Variants in PDSS2 observed in about 807,000 individuals in gnomAD.
PDSS2 encodes decaprenyl diphosphate synthase subunit 2.
PDSS2 carries 31 observed loss-of-function variants against 44.5 expected under a neutral mutation model. The observed-to-expected ratio is 0.70, with a 90% CI of 0.52 to 0.94. The LOEUF is 0.94. Ranked by LOEUF, PDSS2 falls within the 40% of genes least tolerant of loss-of-function variation. PDSS2 has a pLI of 0.00. For synonymous variants in PDSS2, 157 were observed against 180.3 expected, an observed-to-expected ratio of 0.87 and a Z score of 1.03; for missense variants, 452 against 482.2, an observed-to-expected ratio of 0.94 and a Z score of 0.59.
intron 2 of PDSS2, among the ~76,000 whole-genome samples, chr6:107,280,825 G>A (rs1775938784): frequency 6.6e-6 from 1 of 152,146 alleles, no homozygotes; most frequent in Admixed American, 6.5e-5. Flanking sequence ...AAAAGACAAC[G>A]GAGCCTGCTT....
At chr6:107,377,850 C>T (rs1779335568) in intron 1 of PDSS2, among the ~76,000 whole-genome samples, 1 of 151,220 alleles carries the variant, frequency 6.6e-6, no homozygotes, top group Non-Finnish European at 1.5e-5. Flanking sequence ...AACACATGGA[C>T]ACAGGAAGGG....
chr6:107,425,938 G>A (rs1398813431), intron 1 of PDSS2, among the ~76,000 whole-genome samples: 2 of 151,458 alleles, frequency 1.3e-5, no homozygotes, highest in Admixed American at 1.3e-4. Flanking sequence ...TCCAGCCTGG[G>A]CGACAGAGCG....
chr6:107,363,811 C>T (rs1778865317), intron 1 of PDSS2, among the ~76,000 whole-genome samples: 2 of 152,178 alleles, frequency 1.3e-5, no homozygotes, highest in South Asian at 4.1e-4. Flanking sequence ...TACAAAGGTT[C>T]TCCACGTCCA....
intron 3 of PDSS2, among the ~76,000 whole-genome samples, chr6:107,271,875 C>T (rs556120044): frequency 9.2e-5 from 14 of 151,518 alleles, no homozygotes; most frequent in African/African-American, 3.4e-4. Flanking sequence ...GGCAACATGG[C>T]GAAAGGCAAA....
chr6:107,245,680 A>C, intron 3 of PDSS2, 61 bp from the exon 4 acceptor site: 2 of 1,057,030 alleles, frequency 1.9e-6, no homozygotes, highest in Non-Finnish European at 2.8e-6. Context: ...TTGTTACCTC[A>C]GAATGTTTCA....
intron 1 of PDSS2, among the ~76,000 whole-genome samples, chr6:107,377,780 G>C (rs1285946467): frequency 6.6e-6 from 1 of 151,866 alleles, no homozygotes; most frequent in Non-Finnish European, 1.5e-5. Context: ...GTAAACTATC[G>C]CAAGGACAAA....
Position 107,458,412 on chromosome 6 carries a change from C to CAAAAAAAAAAGAAAA in PDSS2, c.296+577_296+578insTTTTCTTTTTTTTTT, listed in dbSNP as rs1782121556. ...TGGGCGACAAAGCGAGACTCCGTCT[C>CAAAAAAAAAAGAAAA]AAAAAAAAAAAAAAAAAAAACTTTT... On this transcript the variant is annotated intron_variant, in intron 1 of 7. Coordinates refer to ENST00000369037, the MANE Select transcript of PDSS2 (RefSeq NM_020381.4). 2.6e-5 allele frequency among the ~76,000 whole-genome samples: 2 copies of CAAAAAAAAAAGAAAA among 78,182 alleles called. 1 individual carries two copies. The highest frequency in any genetic ancestry group is 4.9e-5 in the Non-Finnish European group (2 of 40,424). 51.3% of individuals were successfully genotyped at this position (78,182 alleles called of 152,430 possible). A position where few individuals can be genotyped will look rare whatever the true frequency, so the allele number is the denominator to read the frequency against.
Position 107,154,036 on chromosome 6 carries a change from T to C in PDSS2, c.*583A>G, listed in dbSNP as rs184043159. The C allele has an allele frequency of 1.5e-3, 225 of 154,472 alleles. No homozygotes were observed. Among genetic ancestry groups the C allele is most frequent in the African/African-American group, 5.2e-3 (215 of 41,514 alleles). The allele number at this position is 154,472 out of a possible 1,614,324, so 9.6% of individuals were successfully genotyped here. On this transcript the variant is annotated 3_prime_UTR_variant, in exon 8 of 8. Transcript: ENST00000369037. ...GTTGCAGTGAGTCAAAACTGCACCA[T>C]TGCACTCCAGCCTGGGCAACAAGAG...
At chr6:107,410,910 C>G (rs376262294) in intron 1 of PDSS2, among the ~76,000 whole-genome samples, 75 of 150,704 alleles carry the variant, frequency 5.0e-4, no homozygotes, top group Middle Eastern at 3.6e-3. Context: ...TTTTTTGAGA[C>G]AGAGTCTTAT....
chr6:107,253,844 T>C (rs369061133), intron 3 of PDSS2, among the ~76,000 whole-genome samples: 1 of 152,074 alleles, frequency 6.6e-6, no homozygotes. Context: ...CCTGAAAAAG[T>C]AGCAGACAAT....
chr6:107,278,191 A>G (rs1775852307), intron 2 of PDSS2, among the ~76,000 whole-genome samples: 1 of 152,130 alleles, frequency 6.6e-6, no homozygotes, highest in Non-Finnish European at 1.5e-5. Context: ...CCCAGTAGAC[A>G]TATTGTACTT....
chr6:107,361,814 T>C (rs1248913086), intron 1 of PDSS2, among the ~76,000 whole-genome samples: 3 of 152,190 alleles, frequency 2.0e-5, no homozygotes, highest in Non-Finnish European at 2.9e-5. Context: ...ACCACTTCAT[T>C]AGAACTGCTG....
intron 3 of PDSS2, among the ~76,000 whole-genome samples, chr6:107,246,777 T>C (rs1774631708): frequency 6.6e-6 from 1 of 152,226 alleles, no homozygotes; most frequent in East Asian, 1.9e-4. Flanking sequence ...ACAGAACTGC[T>C]GATATGAAAT....
At chr6:107,366,650 T>A (rs1778968226) in intron 1 of PDSS2, among the ~76,000 whole-genome samples, 1 of 151,880 alleles carries the variant, frequency 6.6e-6, no homozygotes, top group Admixed American at 6.6e-5. Context: ...AAGATCACAT[T>A]ACTGACCCTA....
At chr6:107,288,818 G>A (rs1254339366) in intron 2 of PDSS2, among the ~76,000 whole-genome samples, 2 of 141,736 alleles carry the variant, frequency 1.4e-5, no homozygotes, top group Admixed American at 1.4e-4. Context: ...GGAGTGCAGT[G>A]GTACGATCTC....
At chr6:107,285,665 C>T (rs1014439671) in intron 2 of PDSS2, among the ~76,000 whole-genome samples, 1 of 152,044 alleles carries the variant, frequency 6.6e-6, no homozygotes, top group Admixed American at 6.6e-5. Flanking sequence ...GGGCAATTGG[C>T]TATCATTTAT....
chr6:107,411,747 A>G (rs1208388073), intron 1 of PDSS2, among the ~76,000 whole-genome samples: 1 of 152,182 alleles, frequency 6.6e-6, no homozygotes, highest in African/African-American at 2.4e-5. Context: ...GAGGATGTGC[A>G]AAGGTTATAC....
At position 107,210,499 on chromosome 6, in the gene PDSS2, A is replaced by G. The variant is rs1463691673; in HGVS notation, c.948T>C (p.Ala316=). Residue 316 remains alanine, a synonymous_variant, in exon 6 of 8, where the codon GCT becomes GCC. Transcript: ENST00000369037. ...SDSMTFNLNS[A]PVVLHQEFLG... ...GAAATTCCTGATGTAAGACTACAGG[A>G]GCTGAGTTTAGATTAAAAGTCATGG... 3.1e-6 allele frequency: 5 copies of G among 1,604,880 alleles called. No individual in the cohort carries two copies. The African/African-American group carries it at 5.3e-5, about 17-fold the overall frequency.
chr6:107,459,042 T>G lies in PDSS2; in HGVS notation c.244A>C (p.Met82Leu), dbSNP rs1309897408. ...GTGCCCACCAGCTTCCGCACCTGCA[T>G]AGCGATGTTGCTGAGCTCGTCGCTC... ...LLSDELSNIA[M>L]QVRKLVGTQH... Residue 82 changes from methionine (M) to leucine (L), a missense_variant, in exon 1 of 8, where the codon ATG (methionine) becomes CTG (leucine). Transcript: ENST00000369037. The surrounding 1 kb of genome is among the most constrained non-coding windows in gnomAD (Gnocchi z 4.3). 8 of 1,613,904 alleles carry G rather than the reference T, an allele frequency of 5.0e-6. No individual in the cohort carries two copies. The highest frequency in any genetic ancestry group is 2.2e-5 in the East Asian group (1 of 44,880).
Sources: gnomAD v4.1 joint callset for allele counts (sites outside exome capture counted in the v4.1 genomes callset) on GRCh38, gnomAD v4.1.1 for gene constraint, Gnocchi (gnomAD v3.1) non-coding constraint, MANE v1.5 for transcripts, NCBI Gene and HGNC (gene_info 2026-07-23, HGNC 2026-07-21) for gene names.